The following CUBN variants were observed in gnomAD, a reference collection of about 807,000 sequenced individuals.
The protein encoded by CUBN is 460 kDa receptor.
In CUBN, 282 loss-of-function variants were observed where a neutral mutation model predicts 405.3. The observed-to-expected ratio is 0.70, with a 90% CI of 0.63 to 0.77. The LOEUF is 0.77. Ranked by LOEUF, CUBN falls within the 30% of genes least tolerant of loss-of-function variation. The pLI is 0.00. For synonymous variants in CUBN, 1,684 were observed against 1,617.0 expected (o/e 1.04, Z -0.99); for missense variants, 4,514 against 4,475.2 (o/e 1.01, Z -0.25).
intron 28 of CUBN, among the ~76,000 whole-genome samples, chr10:16,995,485 T>A (rs550346529): frequency 1.3e-5 from 2 of 152,372 alleles, no homozygotes; most frequent in East Asian, 1.9e-4. Context: ...CTGTGTATTC[T>A]ATCTTTACAT....
intron 32 of CUBN, among the ~76,000 whole-genome samples, chr10:16,953,256 A>C (rs1412267180): frequency 6.6e-6 from 1 of 152,188 alleles, no homozygotes; most frequent in East Asian, 1.9e-4. Flanking sequence ...GCAACAAACA[A>C]GTGAATAATA....
At chr10:16,907,823 G>C in intron 48 of CUBN, 144 bp from the exon 49 acceptor site, 1 of 820,096 alleles carries the variant, frequency 1.2e-6, no homozygotes, top group Non-Finnish European at 2.0e-6. Flanking sequence ...GGTTTCTATC[G>C]CAGTGCCACA....
At chr10:17,051,056 T>C (rs1296163177) in intron 22 of CUBN, among the ~76,000 whole-genome samples, 2 of 151,166 alleles carry the variant, frequency 1.3e-5, no homozygotes, top group Non-Finnish European at 3.0e-5. Context: ...ATTACAAATA[T>C]TAAAAAAAAA....
intron 31 of CUBN, among the ~76,000 whole-genome samples, chr10:16,969,774 T>C (rs1478086504): frequency 1.3e-5 from 2 of 152,178 alleles, no homozygotes; most frequent in East Asian, 1.9e-4. Context: ...TTGGAACCTA[T>C]AGGGACTAGG....
At chr10:17,077,276 A>G (rs549827009) in intron 17 of CUBN, among the ~76,000 whole-genome samples, 2 of 152,308 alleles carry the variant, frequency 1.3e-5, no homozygotes, top group East Asian at 3.9e-4. Context: ...TCATCAGATT[A>G]AACTAGTTCC....
At chr10:16,826,698 A>C (rs1838794483) in intron 66 of CUBN, among the ~76,000 whole-genome samples, 1 of 152,228 alleles carries the variant, frequency 6.6e-6, no homozygotes, top group Non-Finnish European at 1.5e-5. Context: ...ACTTCAACTT[A>C]ACGTGGCATT....
rs1439670521 is a variant in CUBN at position 16,835,084 on chromosome 10, T to G, written c.10292A>C (p.His3431Pro). 1 of 1,614,086 alleles carries G rather than the reference T, an allele frequency of 6.2e-7. No individual in the cohort carries two copies. The highest frequency in any genetic ancestry group is 2.2e-5 in the East Asian group (1 of 44,888). Residue 3431 changes from histidine to proline, a missense_variant, in exon 64 of 67, where the codon CAC becomes CCC. Physicochemically the swap from His to Pro is moderately conservative, Grantham distance 77. Coordinates refer to ENST00000377833, the MANE Select transcript of CUBN (RefSeq NM_001081.4). ...TGAATGAAAAAAGAGGGAAATGGTGTGGTTCTGGGGGGCTGTGAGAGTAAC... is the reference window on the plus strand; with the variant it reads ...TGAATGAAAAAAGAGGGAAATGGTGGGGTTCTGGGGGGCTGTGAGAGTAAC... ...CTVTLTAPQN[H>P]TISLFFHSLG...
chr10:16,954,075 T>C (rs1023528114), intron 32 of CUBN, among the ~76,000 whole-genome samples: 4 of 152,162 alleles, frequency 2.6e-5, no homozygotes, highest in Non-Finnish European at 5.9e-5. Flanking sequence ...TAGCAGTGTA[T>C]CCCATTCTAG....
intron 28 of CUBN, among the ~76,000 whole-genome samples, chr10:16,991,524 G>T (rs1161576626): frequency 1.3e-5 from 2 of 152,104 alleles, no homozygotes; most frequent in African/African-American, 4.8e-5. Context: ...TTTGAGGAAG[G>T]CTTATGAGAG....
chr10:16,924,737 A>G (rs1842131789), intron 43 of CUBN, among the ~76,000 whole-genome samples: 1 of 152,134 alleles, frequency 6.6e-6, no homozygotes. Flanking sequence ...ATGCAATTAT[A>G]ATCAAGTGTA....
chr10:16,965,353 A>T (rs921894737), intron 31 of CUBN, among the ~76,000 whole-genome samples: 1 of 152,216 alleles, frequency 6.6e-6, no homozygotes, highest in Admixed American at 6.5e-5. Context: ...CGAAATAAAG[A>T]CCAGTAATCA....
chr10:17,028,731 AG>A (rs1377302778), intron 27 of CUBN, among the ~76,000 whole-genome samples: 2 of 147,890 alleles, frequency 1.4e-5, no homozygotes, highest in Admixed American at 1.3e-4. Flanking sequence ...AAAAAAAAAA[AG>A]AAAGAAAGAA....
chr10:16,905,286 C>A (rs74116762), intron 50 of CUBN, among the ~76,000 whole-genome samples: 5,194 of 152,180 alleles, frequency 0.034, 306 homozygotes, highest in African/African-American at 0.12. Flanking sequence ...TACACCTTGA[C>A]TATGGGAAAG....
intron 15 of CUBN, among the ~76,000 whole-genome samples, chr10:17,086,815 T>C (rs1041893621): frequency 6.6e-6 from 1 of 152,174 alleles, no homozygotes; most frequent in Non-Finnish European, 1.5e-5. Flanking sequence ...AATACTGTAG[T>C]TTAAAGAGAA....
At chr10:17,019,714 A>G (rs1019900753) in intron 28 of CUBN, 119 bp downstream of exon 28, 9 of 1,205,250 alleles carry the variant, frequency 7.5e-6, no homozygotes, top group Non-Finnish European at 1.1e-5. Flanking sequence ...CTTGCATGAG[A>G]TTACTACCTG....
Position 16,949,355 on chromosome 10 carries a change from T to C in CUBN, c.5080+646A>G, listed in dbSNP as rs1842863256. 5.3e-5 allele frequency among the ~76,000 whole-genome samples: 8 copies of C among 152,114 alleles called. No homozygotes were observed. In the South Asian group the frequency reaches 1.5e-3, roughly 28 times the overall value. On this transcript the variant is annotated intron_variant, in intron 34 of 66. Transcript: ENST00000377833. ...AAACAGTCTCCTCTCTGACAGACCT[T>C]GTCTTCTAGTGCAGGATGAGAAGTT...
chr10:16,946,605 C>T (rs1236955966), intron 36 of CUBN, among the ~76,000 whole-genome samples: 2 of 151,338 alleles, frequency 1.3e-5, no homozygotes, highest in Non-Finnish European at 2.9e-5. Flanking sequence ...AGGGCATTCT[C>T]CTGCCTCAGC....
At chr10:17,002,363 C>T (rs1025893168) in intron 28 of CUBN, among the ~76,000 whole-genome samples, 6 of 152,102 alleles carry the variant, frequency 3.9e-5, no homozygotes, top group East Asian at 1.9e-4. Flanking sequence ...ACAGAAGTTT[C>T]GAGAAAGCCC....
chr10:16,872,349 C>CATATATAT (rs138781700), intron 58 of CUBN, among the ~76,000 whole-genome samples: 39,477 of 148,488 alleles, frequency 0.27, 5,298 homozygotes, highest in African/African-American at 0.29. Context: ...TGTATACATA[C>CATATATAT]ATATATATAT....
Sources: allele counts gnomAD v4.1 joint callset (sites outside exome capture counted in the v4.1 genomes callset), GRCh38; gene constraint gnomAD v4.1.1; transcripts MANE v1.5; gene names NCBI Gene and HGNC (gene_info 2026-07-23, HGNC 2026-07-21).